Variants in PTP4A1 observed in about 807,000 individuals in gnomAD.
PTP4A1 encodes protein tyrosine phosphatase type IVA 1.
PTP4A1 carries 9 observed loss-of-function variants against 20.5 expected under a neutral mutation model. That is an observed-to-expected ratio of 0.44 (90% CI 0.26 to 0.77). PTP4A1 has a LOEUF of 0.77. PTP4A1 is among the 30% of genes least tolerant of loss of function. The pLI, the probability that PTP4A1 is intolerant of heterozygous loss-of-function variation, is 0.19. For missense variants in PTP4A1, 137 were observed against 218.8 expected, an observed-to-expected ratio of 0.63 and a Z score of 2.36; for synonymous variants, 78 against 67.4, an observed-to-expected ratio of 1.16 and a Z score of -0.77.
At position 63,550,749 on chromosome 6, in the gene PTP4A1, T is replaced by G. The variant is rs1776402549; in HGVS notation, c.-446+256T>G. ...AAGCAATTCTCCCAGACCCAGCCTC[T>G]GAGTAGCTGGGATTATAGGCACCCA... On this transcript the variant is annotated intron_variant, in intron 3 of 3. Coordinates refer to the PTP4A1 transcript ENST00000639568. Among the ~76,000 whole-genome samples, 3 of 151,656 alleles carry G rather than the reference T, an allele frequency of 2.0e-5. 1 individual carries two copies. The South Asian group carries it at 6.2e-4, about 31-fold the overall frequency.
intron 3 of PTP4A1, among the ~76,000 whole-genome samples, chr6:63,561,921 A>G (rs1015823991): frequency 6.6e-6 from 1 of 152,194 alleles, no homozygotes; most frequent in African/African-American, 2.4e-5. Context: ...GAGTACAATA[A>G]GGCTACAGAC....
intron 2 of PTP4A1, among the ~76,000 whole-genome samples, chr6:63,529,773 T>C (rs980582486): frequency 5.9e-5 from 9 of 152,268 alleles, no homozygotes; most frequent in South Asian, 4.2e-4. Flanking sequence ...TCCGTTTTTC[T>C]GAGTAATCCC....
intron 4 of PTP4A1, 48 bp downstream of exon 4, chr6:63,579,076 GA>G (rs60996935): frequency 1.3e-6 from 2 of 1,503,966 alleles, no homozygotes; most frequent in Admixed American, 4.8e-5. Context: ...TATTGATAAT[GA>G]AAATACAGAA....
intron 1 of PTP4A1, among the ~76,000 whole-genome samples, chr6:63,522,060 A>G (rs552143162): frequency 6.6e-6 from 1 of 152,326 alleles, no homozygotes; most frequent in South Asian, 2.1e-4. Flanking sequence ...GCTTTGCCAG[A>G]TACTGTTTCA....
chr6:63,542,111 T>C (rs537294464), intron 2 of PTP4A1, among the ~76,000 whole-genome samples: 1 of 151,652 alleles, frequency 6.6e-6, no homozygotes, highest in African/African-American at 2.4e-5. Flanking sequence ...AATAAATTAA[T>C]GGCATTCACA....
upstream of PTP4A1, among the ~76,000 whole-genome samples, chr6:63,568,425 A>C (rs1163060727): frequency 6.6e-6 from 1 of 152,250 alleles, no homozygotes; most frequent in East Asian, 1.9e-4. Flanking sequence ...TTTATCAAAT[A>C]AGTTTGCCAT....
At chr6:63,531,151 G>C (rs1775440973) in intron 2 of PTP4A1, among the ~76,000 whole-genome samples, 1 of 152,158 alleles carries the variant, frequency 6.6e-6, no homozygotes, top group African/African-American at 2.4e-5. Context: ...CCTGCCTCTT[G>C]AGTTGGTGTC....
chr6:63,576,314 G>A (rs1355463909), intron 1 of PTP4A1, 122 bp from the exon 2 acceptor site: 4 of 388,362 alleles, frequency 1.0e-5, no homozygotes, highest in African/African-American at 4.1e-5. Flanking sequence ...AAAAGTCGAT[G>A]AAGCGGCTCA....
chr6:63,560,300 T>C, intron 3 of PTP4A1, among the ~76,000 whole-genome samples: 1 of 137,170 alleles, frequency 7.3e-6, no homozygotes, highest in African/African-American at 2.8e-5. Context: ...ATCACGCCAT[T>C]GCACTCCAGC....
At chr6:63,578,362 T>C in intron 2 of PTP4A1, 75 bp from the exon 3 acceptor site, 3 of 1,478,928 alleles carry the variant, frequency 2.0e-6, no homozygotes, top group Non-Finnish European at 1.8e-6. Flanking sequence ...TGATCAGAGA[T>C]GATCAGAATA....
At chr6:63,570,379 CTTA>C (rs1406704149), upstream of PTP4A1, among the ~76,000 whole-genome samples, 1 of 152,156 alleles carries the variant, frequency 6.6e-6, no homozygotes, top group Non-Finnish European at 1.5e-5. Flanking sequence ...CAGCAAAAGC[CTTA>C]TTTTTTCATC....
chr6:63,539,702 G>A (rs1207999403), intron 2 of PTP4A1, among the ~76,000 whole-genome samples: 1 of 152,024 alleles, frequency 6.6e-6, no homozygotes, highest in Non-Finnish European at 1.5e-5. Flanking sequence ...CCGGGAGAGG[G>A]AGGTTGCAGT....
chr6:63,579,281 A>G lies in PTP4A1; in HGVS notation c.354A>G (p.Ala118=). 6.2e-7 allele frequency: 1 copy of G among 1,611,656 alleles called. No homozygotes were observed. Among genetic ancestry groups the G allele is most frequent in the South Asian group, 1.1e-5 (1 of 90,800 alleles). Residue 118 remains alanine (A), a synonymous_variant, in exon 5 of 6, where the codon GCA becomes GCG. Coordinates refer to ENST00000626021, the MANE Select transcript of PTP4A1 (RefSeq NM_003463.5). The part of the protein sequence containing the change: ...LGRAPVLVAL[A]LIEGGMKYED... ...GAGCTCCAGTACTTGTTGCCCTAGCATTAATTGAAGGTGGAATGAAATACG... is the reference window on the plus strand; with the variant it reads ...GAGCTCCAGTACTTGTTGCCCTAGCGTTAATTGAAGGTGGAATGAAATACG...
At chr6:63,541,456 G>A (rs1449262950) in intron 2 of PTP4A1, among the ~76,000 whole-genome samples, 1 of 151,960 alleles carries the variant, frequency 6.6e-6, no homozygotes, top group Non-Finnish European at 1.5e-5. Context: ...AGGAGGCTGA[G>A]ACAGGAAAAT....
chr6:63,578,631 C>A, intron 3 of PTP4A1, 102 bp downstream of exon 3: 1 of 1,420,778 alleles, frequency 7.0e-7, no homozygotes, highest in Admixed American at 3.0e-5. Context: ...AAATAGACCT[C>A]AAAAAGCTAA....
At chr6:63,555,589 TCA>T (rs1776644371) in intron 3 of PTP4A1, among the ~76,000 whole-genome samples, 1 of 152,164 alleles carries the variant, frequency 6.6e-6, no homozygotes, top group Non-Finnish European at 1.5e-5. Context: ...GGATTTTGTC[TCA>T]CTGCATGACA....
chr6:63,520,664 A>AATAT (rs1378300677), upstream of PTP4A1, among the ~76,000 whole-genome samples: 1 of 151,376 alleles, frequency 6.6e-6, no homozygotes, highest in East Asian at 1.9e-4. Context: ...TAAATAAATA[A>AATAT]ATAAATAAAA....
chr6:63,561,062 A>G (rs559660296), intron 3 of PTP4A1, among the ~76,000 whole-genome samples: 17 of 152,344 alleles, frequency 1.1e-4, no homozygotes, highest in East Asian at 3.9e-4. Flanking sequence ...TAGGAAGCCA[A>G]ATTAATAATT....
intron 1 of PTP4A1, 125 bp downstream of exon 1, chr6:63,572,844 G>C (rs1031645523): frequency 3.8e-5 from 15 of 394,696 alleles, no homozygotes; most frequent in African/African-American, 3.1e-4. Flanking sequence ...GTTCCGGTGG[G>C]TCCCGGGTGG....
Sources: gnomAD v4.1 joint callset for allele counts (sites outside exome capture counted in the v4.1 genomes callset) on GRCh38, gnomAD v4.1.1 for gene constraint, MANE v1.5 for transcripts, NCBI Gene and HGNC (gene_info 2026-07-23, HGNC 2026-07-21) for gene names.